CHD8: variants seen among roughly 807,000 people sequenced by gnomAD.
CHD8 encodes chromodomain helicase DNA binding protein 8.
A neutral mutation model predicts 279.2 loss-of-function variants in CHD8; 31 were observed. The observed-to-expected ratio is 0.11, with a 90% CI of 0.08 to 0.15. The LOEUF (loss-of-function observed/expected upper bound fraction) is 0.15. Among genes scored for constraint, CHD8 ranks in the 10% least tolerant of loss-of-function variants. CHD8 has a pLI of 1.00. For synonymous variants in CHD8, 1,081 were observed against 1,139.6 expected (o/e 0.95, Z 1.04); for missense variants, 2,146 against 3,230.5 (o/e 0.66, Z 8.14).
chr14:21,398,961 A>T, intron 26 of CHD8: 1 of 426,540 alleles, frequency 2.3e-6, no homozygotes, highest in Non-Finnish European at 4.7e-6. Context: ...AGGCAAAACC[A>T]TCACCCTTGA....
intron 27 of CHD8, among the ~76,000 whole-genome samples, chr14:21,396,286 A>G (rs1384874172): frequency 6.6e-6 from 1 of 151,906 alleles, no homozygotes; most frequent in Non-Finnish European, 1.5e-5. Context: ...GTGAGCCACC[A>G]TGCCTGGCCT....
In CHD8 at chr14:21,391,902, C is replaced by A; in HGVS notation, c.6816G>T (p.Ala2272=). Residue 2272 remains alanine, a synonymous_variant, in exon 35 of 38, where the codon GCG becomes GCT. Coordinates refer to ENST00000646647, the MANE Select transcript of CHD8 (RefSeq NM_001170629.2). The part of the protein sequence containing the change: ...KLTFQKHKLM[A]NGVMGDGHPL... ...GATGTCCATCTCCCATTACTCCATT[C>A]GCCATCAACTTGTGCTTCTGGAATG... 6.2e-7 allele frequency: 1 copy of A among 1,613,946 alleles called. No homozygotes were observed. The highest frequency in any genetic ancestry group is 8.5e-7 in the Non-Finnish European group (1 of 1,179,842).
intron 5 of CHD8, among the ~76,000 whole-genome samples, chr14:21,421,832 C>T (rs1298031082): frequency 6.6e-6 from 1 of 152,120 alleles, no homozygotes; most frequent in African/African-American, 2.4e-5. Flanking sequence ...TAAAATAAAG[C>T]CACCAGTGTG....
At chr14:21,415,034 G>A in intron 7 of CHD8, 41 bp from the exon 8 acceptor site, 1 of 1,351,136 alleles carries the variant, frequency 7.4e-7, no homozygotes, top group Non-Finnish European at 1.0e-6. Context: ...TCCCTTATTT[G>A]TAAAAGAATG....
In CHD8 at chr14:21,403,691, G is replaced by A; in HGVS notation, c.3308-28C>T. On this transcript the variant is annotated intron_variant, in intron 16 of 37. Transcript: ENST00000646647. The surrounding 1 kb of genome is among the most constrained non-coding windows in gnomAD (Gnocchi z 4.3). The stretch of plus-strand genomic sequence containing the variant: ...GCCAAAAGAAAAATCAAATTATGTT[G>A]AGATCCAGTGAACCATATTAAGGTT... 2.6e-6 allele frequency: 4 copies of A among 1,518,226 alleles called. No homozygotes were observed. The highest frequency in any genetic ancestry group is 3.6e-6 in the Non-Finnish European group (4 of 1,114,554). 94.0% of individuals were successfully genotyped at this position (1,518,226 alleles called of 1,614,324 possible). A position where few individuals can be genotyped will look rare whatever the true frequency, so the allele number is the denominator to read the frequency against.
At chr14:21,392,467 C>G in intron 34 of CHD8, 40 bp downstream of exon 34, 3 of 1,567,054 alleles carry the variant, frequency 1.9e-6, no homozygotes, top group Non-Finnish European at 2.6e-6. Flanking sequence ...AGGATTCCAG[C>G]CTCCTTCCCC....
At position 21,386,187 on chromosome 14, in the gene CHD8, G is replaced by A. The variant is rs1887223683; in HGVS notation, c.7183-11C>T. ...TTCAGTGTGATGACCCTAGGAGGAG[G>A]GAATAGAAGATAATAAAAAGAAAGA... On this transcript the variant is annotated splice_polypyrimidine_tract_variant and intron_variant, in intron 37 of 37. Coordinates refer to ENST00000646647, the MANE Select transcript of CHD8 (RefSeq NM_001170629.2). 1.3e-6 allele frequency: 2 copies of A among 1,534,126 alleles called. No homozygotes were observed. The highest frequency in any genetic ancestry group is 1.8e-6 in the Non-Finnish European group (2 of 1,137,818).
At chr14:21,418,716 T>C (rs571030627) in intron 5 of CHD8, among the ~76,000 whole-genome samples, 19 of 152,090 alleles carry the variant, frequency 1.2e-4, no homozygotes, top group African/African-American at 4.6e-4. Flanking sequence ...CTCAGAAGGC[T>C]GAGGCAAGAG....
intron 37 of CHD8, among the ~76,000 whole-genome samples, chr14:21,389,902 T>G (rs2139437742): frequency 6.6e-6 from 1 of 152,310 alleles, no homozygotes; most frequent in African/African-American, 2.4e-5. Flanking sequence ...ACTATTTTCC[T>G]TAGAAGACCT....
chr14:21,438,536 G>GAA, intron 1 of CHD8, among the ~76,000 whole-genome samples: 1 of 132,912 alleles, frequency 7.5e-6, no homozygotes, highest in Non-Finnish European at 1.6e-5. Flanking sequence ...AAAAAAGAAA[G>GAA]AAAGAAAAAA....
rs113488794 is a variant in CHD8 at position 21,455,925 on chromosome 14, G to A, written c.-216+107C>T. 204 of 154,030 alleles carry A rather than the reference G, an allele frequency of 1.3e-3. 1 individual carries two copies. The highest frequency in any genetic ancestry group is 3.3e-3 in the Middle Eastern group (1 of 302). The allele number at this position is 154,030 out of a possible 1,614,324, so 9.5% of individuals were successfully genotyped here. On this transcript the variant is annotated intron_variant, in intron 1 of 37. Coordinates refer to ENST00000646647, the MANE Select transcript of CHD8 (RefSeq NM_001170629.2). ...CCTCACAACTGGGGGGCGAGCAGGGGGTGGAAGAGAGAGGAGAAGGAGTTA... is the reference window on the plus strand; with the variant it reads ...CCTCACAACTGGGGGGCGAGCAGGGAGTGGAAGAGAGAGGAGAAGGAGTTA...
rs550039116 is a variant in CHD8, at chr14:21,431,182, C to T, written c.462G>A (p.Gln154=). 2.5e-6 allele frequency: 4 copies of T among 1,599,184 alleles called. No individual in the cohort carries two copies. The South Asian group carries it at 4.4e-5, about 18-fold the overall frequency. The change falls in exon 2 of 38, where the codon CAG becomes CAA. Residue 154 remains glutamine, a synonymous_variant. Transcript: ENST00000646647. ...TAAGGATAACAATCTTAGGGGCTGA[C>T]TGAGGTGGCTGCCCTCCAGCACTAC... ...SSSSAGGQPP[Q]SAPKIVILKA...
intron 5 of CHD8, among the ~76,000 whole-genome samples, chr14:21,417,948 C>T (rs927578183): frequency 6.7e-6 from 1 of 148,344 alleles, no homozygotes; most frequent in Non-Finnish European, 1.5e-5. Flanking sequence ...ATTTATAATA[C>T]CAAATGTTGA....
intron 10 of CHD8, among the ~76,000 whole-genome samples, chr14:21,410,409 G>A (rs1053334667): frequency 5.9e-5 from 9 of 152,162 alleles, no homozygotes; most frequent in Admixed American, 3.9e-4. Flanking sequence ...AGCTTATACT[G>A]GCTTCTGGGC....
chr14:21,438,846 A>T (rs968826709), intron 1 of CHD8, among the ~76,000 whole-genome samples: 5 of 146,462 alleles, frequency 3.4e-5, no homozygotes, highest in Admixed American at 2.7e-4. Context: ...AGCCAAAAAA[A>T]GCCAGGTGCA....
At chr14:21,409,317 C>T (rs965316223) in intron 11 of CHD8, among the ~76,000 whole-genome samples, 1 of 152,102 alleles carries the variant, frequency 6.6e-6, no homozygotes, top group East Asian at 1.9e-4. Context: ...GAAAATCCTA[C>T]AAAACAAATC....
In CHD8 at chr14:21,415,908, C is replaced by A; in HGVS notation, c.1717-1G>T. 1 of 1,610,858 alleles carries A rather than the reference C, an allele frequency of 6.2e-7. No homozygotes were observed. The highest frequency in any genetic ancestry group is 8.5e-7 in the Non-Finnish European group (1 of 1,178,886). On this transcript the variant is annotated splice_acceptor_variant, in intron 5 of 37. Coordinates refer to ENST00000646647, the MANE Select transcript of CHD8 (RefSeq NM_001170629.2). LOFTEE classifies it high-confidence loss of function. ...TAACTTGGCGGTTTGAGCGTCTCTT[C>A]TGTAGAGCAAAAAGTAGTTAGAGTG... is the stretch of plus-strand genomic sequence containing the variant.
rs767858031 is a variant in CHD8, at chr14:21,397,965, G to C, written c.4922-13C>G. ...TATTTCTCATAGCCTAGAAGAAAAA[G>C]GGTCATAGTTGAAGAAAATGAGATT... On this transcript the variant is annotated splice_polypyrimidine_tract_variant and intron_variant, in intron 26 of 37. Coordinates refer to ENST00000646647, the MANE Select transcript of CHD8 (RefSeq NM_001170629.2). 6.3e-7 allele frequency: 1 copy of C among 1,593,136 alleles called. No individual in the cohort carries two copies. The highest frequency in any genetic ancestry group is 2.2e-5 in the East Asian group (1 of 44,454).
At chr14:21,428,793 T>C (rs1411335446) in intron 3 of CHD8, among the ~76,000 whole-genome samples, 171 bp downstream of exon 3, 1 of 152,204 alleles carries the variant, frequency 6.6e-6, no homozygotes, top group Non-Finnish European at 1.5e-5. Flanking sequence ...AATCTTTTAA[T>C]AATATAATTA....
Sources: gnomAD v4.1 joint callset for allele counts (sites outside exome capture counted in the v4.1 genomes callset) on GRCh38, gnomAD v4.1.1 for gene constraint, Gnocchi (gnomAD v3.1) non-coding constraint, MANE v1.5 for transcripts, NCBI Gene and HGNC (gene_info 2026-07-23, HGNC 2026-07-21) for gene names.